CNGB1: variants seen among roughly 807,000 people sequenced by gnomAD.
The protein encoded by CNGB1 is cyclic nucleotide-gated channel beta-1.
A neutral mutation model predicts 151.7 loss-of-function variants in CNGB1; 126 were observed. The observed-to-expected ratio is 0.83, with a 90% CI of 0.72 to 0.96. The LOEUF is 0.96. Ranked by LOEUF, CNGB1 falls within the 40% of genes least tolerant of loss-of-function variation. The pLI is 0.00. For missense variants in CNGB1, 1,698 were observed against 1,627.0 expected, an observed-to-expected ratio of 1.04 and a Z score of -0.75; for synonymous variants, 623 against 635.1, an observed-to-expected ratio of 0.98 and a Z score of 0.29.
intron 18 of CNGB1, among the ~76,000 whole-genome samples, chr16:57,921,927 G>A (rs547475130): frequency 6.6e-6 from 1 of 152,348 alleles, no homozygotes; most frequent in African/African-American, 2.4e-5. Flanking sequence ...AGGTCCAGCA[G>A]CCTAGCCTGC....
intron 25 of CNGB1, among the ~76,000 whole-genome samples, chr16:57,907,316 T>C (rs1220048937): frequency 6.6e-6 from 1 of 152,196 alleles, no homozygotes; most frequent in East Asian, 1.9e-4. Flanking sequence ...CACAAGCCCC[T>C]TTGAGAATCT....
intron 31 of CNGB1, among the ~76,000 whole-genome samples, chr16:57,894,768 CAG>C (rs1407655077): frequency 2.6e-5 from 4 of 152,098 alleles, no homozygotes; most frequent in African/African-American, 7.2e-5. Flanking sequence ...CCCCATTTTG[CAG>C]AGTGTTGACC....
At chr16:57,939,029 C>T (rs1373097845) in intron 16 of CNGB1, among the ~76,000 whole-genome samples, 4 of 152,274 alleles carry the variant, frequency 2.6e-5, no homozygotes, top group African/African-American at 4.8e-5. Context: ...CCTCACTGGG[C>T]GGTAGCCCAA....
chr16:57,896,988 A>T (rs1305484248), intron 31 of CNGB1, among the ~76,000 whole-genome samples: 1 of 152,042 alleles, frequency 6.6e-6, no homozygotes, highest in Non-Finnish European at 1.5e-5. Context: ...GTGTTGTTTC[A>T]ATACGAAATT....
chr16:57,964,423 G>A (rs994883501), intron 3 of CNGB1, 64 bp downstream of exon 3: 22 of 1,592,484 alleles, frequency 1.4e-5, no homozygotes, highest in Admixed American at 1.0e-4. Flanking sequence ...TGGGCTCTGC[G>A]GCTCCGAGGG....
chr16:57,949,368 T>A lies in CNGB1; in HGVS notation c.1106A>T (p.Glu369Val). The change falls in exon 14 of 33, where the codon GAG becomes GTG. Residue 369 changes from glutamate (E) to valine (V), a missense_variant. Transcript: ENST00000251102. ...EEEEEEEEEE[E>V]EEVTEVLLDS... The stretch of plus-strand genomic sequence containing the variant: ...AATGACTTACTCAGTCACCTCCTCC[T>A]CTTCCTCCTCCTCCTCCTCTTCCTC... 1 of 1,611,736 alleles carries A rather than the reference T, an allele frequency of 6.2e-7. No homozygotes were observed. Among genetic ancestry groups the A allele is most frequent in the Non-Finnish European group, 8.5e-7 (1 of 1,179,940 alleles).
At chr16:57,957,761 T>C (rs1435987685) in intron 11 of CNGB1, among the ~76,000 whole-genome samples, 1 of 152,182 alleles carries the variant, frequency 6.6e-6, no homozygotes, top group Non-Finnish European at 1.5e-5. Flanking sequence ...CAGCCCTGGG[T>C]ATGAGAATGC....
At chr16:57,892,906 G>A (rs1221059474) in intron 31 of CNGB1, among the ~76,000 whole-genome samples, 4 of 152,082 alleles carry the variant, frequency 2.6e-5, no homozygotes, top group Admixed American at 1.3e-4. Context: ...GTCACTTCCC[G>A]CTCCTCCCGT....
At chr16:57,887,723 G>T in intron 32 of CNGB1, 132 bp downstream of exon 32, 1 of 880,644 alleles carries the variant, frequency 1.1e-6, no homozygotes, top group Non-Finnish European at 1.9e-6. Context: ...GTAACCAAAT[G>T]AGCCCTGACT....
intron 16 of CNGB1, among the ~76,000 whole-genome samples, chr16:57,934,062 C>T (rs1271039179): frequency 2.0e-5 from 3 of 151,990 alleles, no homozygotes; most frequent in African/African-American, 4.8e-5. Flanking sequence ...TAAGAAAAGC[C>T]GGCACTCTGT....
rs368852158 is a variant in CNGB1 at position 57,962,690 on chromosome 16, C to T, written c.413-80G>A. On this transcript the variant is annotated intron_variant, in intron 6 of 32. Transcript: ENST00000251102. The stretch of plus-strand genomic sequence containing the variant: ...CCCCTGGGCAGCCTGGAGTGGGCAC[C>T]GAGAGCTCAGCTCAACCCCAGGTTC... 2,330 of 1,565,746 alleles carry T rather than the reference C, an allele frequency of 1.5e-3. 32 individuals are homozygous for T. The South Asian group carries it at 0.017, about 12-fold the overall frequency.
chr16:57,918,947 G>T, intron 20 of CNGB1, 152 bp downstream of exon 20: 1 of 1,427,096 alleles, frequency 7.0e-7, no homozygotes, highest in Non-Finnish European at 9.4e-7. Context: ...AGAAACTGTG[G>T]AATACTTTTG....
intron 12 of CNGB1, among the ~76,000 whole-genome samples, chr16:57,956,131 C>G (rs1962078468): frequency 6.6e-6 from 1 of 152,194 alleles, no homozygotes; most frequent in African/African-American, 2.4e-5. Context: ...ATGCTCCATC[C>G]TCAGATGCAG....
chr16:57,957,908 C>T (rs1280787830), intron 11 of CNGB1, among the ~76,000 whole-genome samples: 4 of 152,254 alleles, frequency 2.6e-5, no homozygotes, highest in South Asian at 4.1e-4. Flanking sequence ...TCTATAAAGA[C>T]GTCCAATTGC....
Position 57,955,424 on chromosome 16 carries a change from G to A in CNGB1, c.874+1917C>T, listed in dbSNP as rs1193659211. 6 of 1,222,056 alleles carry A rather than the reference G, an allele frequency of 4.9e-6. No individual in the cohort carries two copies. The African/African-American group carries it at 6.0e-5, about 12-fold the overall frequency. The allele number at this position is 1,222,056 out of a possible 1,614,324, so 75.7% of individuals were successfully genotyped here. ...CTGGGTGGACAGGCGGAGGGAATGA[G>A]TGAGTGAGTGAGTGAGTGGATGAGT... On this transcript the variant is annotated intron_variant, in intron 12 of 32. Transcript: ENST00000251102.
chr16:57,912,802 GTGTGTGTGT>G (rs1225290481), intron 24 of CNGB1, 119 bp downstream of exon 24: 3 of 890,672 alleles, frequency 3.4e-6, no homozygotes, highest in South Asian at 2.8e-5. Context: ...TGTGTATGTT[GTGTGTGTGT>G]TGTGTGTGTC....
rs1242620241 is a variant in CNGB1, at chr16:57,950,286, T to C, written c.1034+95A>G. The C allele has an allele frequency of 4.7e-6, 7 of 1,487,530 alleles. No individual in the cohort carries two copies. The East Asian group carries it at 1.1e-4, about 24-fold the overall frequency. The allele number at this position is 1,487,530 out of a possible 1,614,324, so 92.1% of individuals were successfully genotyped here. A position where few individuals can be genotyped will look rare whatever the true frequency, so the allele number is the denominator to read the frequency against. On this transcript the variant is annotated intron_variant, in intron 13 of 32. Coordinates refer to ENST00000251102, the MANE Select transcript of CNGB1 (RefSeq NM_001297.5). ...GGCAGGGGGAAGCAGGCTTGGTTCC[T>C]GCTCTGTGCCTTTTCATCTTTGAGA...
intron 32 of CNGB1, among the ~76,000 whole-genome samples, chr16:57,885,888 C>T (rs1959916868): frequency 6.6e-6 from 1 of 152,122 alleles, no homozygotes; most frequent in Non-Finnish European, 1.5e-5. Context: ...GCCACCTGTG[C>T]CCAGCCCACC....
chr16:57,920,675 C>G, intron 18 of CNGB1, 131 bp from the exon 19 acceptor site: 2 of 1,061,338 alleles, frequency 1.9e-6, no homozygotes, highest in Non-Finnish European at 2.8e-6. Context: ...GCCCCCATCT[C>G]CTTCTGACAT....
Sources: gnomAD v4.1 joint callset for allele counts (sites outside exome capture counted in the v4.1 genomes callset) on GRCh38, gnomAD v4.1.1 for gene constraint, MANE v1.5 for transcripts, NCBI Gene and HGNC (gene_info 2026-07-23, HGNC 2026-07-21) for gene names.